The following CARD8 variants were observed in gnomAD, a reference collection of about 807,000 sequenced individuals.
CARD8 encodes the protein caspase recruitment domain family member 8.
Under a neutral mutation model 53.2 loss-of-function variants are expected in CARD8, and 38 were observed. That is an observed-to-expected ratio of 0.71 (90% CI 0.55 to 0.94). The LOEUF is 0.94. Ranked by LOEUF, CARD8 falls within the 40% of genes least tolerant of loss-of-function variation. The probability of loss-of-function intolerance (pLI) is 0.00; values close to 1 mark genes in which losing one functional copy is unlikely to be tolerated. For missense variants in CARD8, 561 were observed against 655.5 expected (o/e 0.86, Z 1.57); for synonymous variants, 245 against 244.9 (o/e 1.00, Z 0.00).
At chr19:48,229,747 A>G (rs1240738341) in intron 10 of CARD8, among the ~76,000 whole-genome samples, 1 of 152,240 alleles carries the variant, frequency 6.6e-6, no homozygotes, top group Non-Finnish European at 1.5e-5. Flanking sequence ...GGGAGATGCT[A>G]CTGAACAGGA....
At chr19:48,223,072 G>A (rs1443413665) in intron 10 of CARD8, among the ~76,000 whole-genome samples, 1 of 152,188 alleles carries the variant, frequency 6.6e-6, no homozygotes, top group Admixed American at 6.5e-5. Flanking sequence ...GGGAGGCCGA[G>A]GCAGGCAGAT....
rs560855603 is a variant in CARD8 at position 48,224,795 on chromosome 19, G to A, written c.1036-2940C>T. Among the ~76,000 whole-genome samples, 287 of 141,466 alleles carry A rather than the reference G, an allele frequency of 2.0e-3. 1 individual carries two copies. The highest frequency in any genetic ancestry group is 7.2e-3 in the African/African-American group (270 of 37,600). 92.8% of individuals were successfully genotyped at this position (141,466 alleles called of 152,430 possible). On this transcript the variant is annotated intron_variant, in intron 10 of 13. Transcript: ENST00000651546. ...TTTTGAGATGGAGTCTCGCTCTGTC[G>A]CCCAGGCTGGAGTGCAGTGGTGCGA...
chr19:48,239,272 C>T (rs2044507677), intron 4 of CARD8, among the ~76,000 whole-genome samples: 1 of 152,162 alleles, frequency 6.6e-6, no homozygotes, highest in Non-Finnish European at 1.5e-5. Flanking sequence ...AAAGTTGTTG[C>T]TTAACCTCTC....
intron 12 of CARD8, 130 bp from the exon 13 acceptor site, chr19:48,215,514 C>T (rs929137842): frequency 4.8e-6 from 3 of 622,168 alleles, no homozygotes; most frequent in African/African-American, 1.8e-5. Context: ...TTGTTTTGCA[C>T]ACTAATACAC....
chr19:48,235,441 C>T (rs771585809), intron 5 of CARD8, among the ~76,000 whole-genome samples: 7 of 152,150 alleles, frequency 4.6e-5, no homozygotes, highest in Non-Finnish European at 7.4e-5. Context: ...GTAAGACATG[C>T]CTTTGCTCCT....
rs2040652614 is a variant in CARD8 at position 48,221,645 on chromosome 19, G to A, written c.1161+85C>T. On this transcript the variant is annotated intron_variant, in intron 11 of 13. Coordinates refer to ENST00000651546, the MANE Select transcript of CARD8 (RefSeq NM_001184900.3). ...TATTTGTGATTAATAAAAGAAAAAT[G>A]TTGCATTTTGCTAAGATTCTTCCAT... The A allele has an allele frequency of 1.6e-5, 15 of 963,702 alleles. No individual in the cohort carries two copies. In the East Asian group the frequency reaches 3.7e-4, roughly 23 times the overall value. 59.7% of individuals were successfully genotyped at this position (963,702 alleles called of 1,614,324 possible).
chr19:48,217,440 T>C (rs1301722234), intron 12 of CARD8, among the ~76,000 whole-genome samples: 1 of 152,238 alleles, frequency 6.6e-6, no homozygotes, highest in Non-Finnish European at 1.5e-5. Context: ...TTCATTTTTT[T>C]CCCACCACAG....
intron 12 of CARD8, among the ~76,000 whole-genome samples, chr19:48,218,353 C>CTTTTTTT (rs770280304): frequency 9.2e-6 from 1 of 108,996 alleles, no homozygotes; most frequent in Non-Finnish European, 1.8e-5. Flanking sequence ...TTATCTTCTT[C>CTTTTTTT]TTTTTTTTTT....
downstream of CARD8, among the ~76,000 whole-genome samples, chr19:48,206,938 C>T (rs1259513793): frequency 6.6e-6 from 1 of 152,014 alleles, no homozygotes. Context: ...AAAGTTCGAC[C>T]TTATCTCTTA....
intron 10 of CARD8, among the ~76,000 whole-genome samples, chr19:48,229,985 C>T (rs1331499009): frequency 2.0e-5 from 3 of 152,092 alleles, no homozygotes; most frequent in African/African-American, 7.2e-5. Context: ...TAGTGGCGGG[C>T]ACCTGCAATC....
downstream of CARD8, among the ~76,000 whole-genome samples, chr19:48,206,187 C>G (rs978497888): frequency 2.6e-5 from 4 of 152,132 alleles, no homozygotes; most frequent in African/African-American, 7.2e-5. Context: ...CGTGAGCCAT[C>G]GCCCCCAGCC....
Position 48,230,760 on chromosome 19 carries a change from C to A in CARD8, c.772+17G>T. The A allele has an allele frequency of 6.2e-7, 1 of 1,613,296 alleles. No homozygotes were observed. The highest frequency in any genetic ancestry group is 8.5e-7 in the Non-Finnish European group (1 of 1,179,274). On this transcript the variant is annotated intron_variant, in intron 9 of 13. Coordinates refer to ENST00000651546, the MANE Select transcript of CARD8 (RefSeq NM_001184900.3). ...GCACCCCAGCGGCCCCCACAGCCTC[C>A]GCTCACCCCACATTACCTTGGAGGG...
At chr19:48,224,938 A>G in intron 10 of CARD8, among the ~76,000 whole-genome samples, 1 of 151,786 alleles carries the variant, frequency 6.6e-6, no homozygotes, top group Non-Finnish European at 1.5e-5. Flanking sequence ...TATTGTTAGT[A>G]GAGACGGGGT....
chr19:48,233,850 C>T (rs1420368064), intron 6 of CARD8: 2 of 159,312 alleles, frequency 1.3e-5, no homozygotes, highest in African/African-American at 2.5e-5. Flanking sequence ...CATTTTTCTA[C>T]ACTTTTCAGC....
At chr19:48,237,626 G>C (rs1423192918) in intron 5 of CARD8, among the ~76,000 whole-genome samples, 1 of 151,554 alleles carries the variant, frequency 6.6e-6, no homozygotes, top group Non-Finnish European at 1.5e-5. Flanking sequence ...GTGAAACCCC[G>C]TATCTACTAA....
At chr19:48,243,728 G>A (rs2045624767) in intron 3 of CARD8, among the ~76,000 whole-genome samples, 2 of 152,154 alleles carry the variant, frequency 1.3e-5, no homozygotes, top group Admixed American at 6.6e-5. Context: ...GTTTGTGCCT[G>A]TAGTCCCAGC....
chr19:48,220,994 G>GAAGGAAGGAAGGAAGC (rs2040471081), intron 11 of CARD8, among the ~76,000 whole-genome samples: 1 of 95,818 alleles, frequency 1.0e-5, no homozygotes. Flanking sequence ...AGGAAGGAAG[G>GAAGGAAGGAAGGAAGC]AAAGAAAGAA....
chr19:48,229,424 G>A (rs145249467), intron 10 of CARD8, among the ~76,000 whole-genome samples: 1 of 152,270 alleles, frequency 6.6e-6, no homozygotes, highest in African/African-American at 2.4e-5. Context: ...ATGTATTTCT[G>A]GCCCACTCTA....
Position 48,230,536 on chromosome 19 carries a change from T to A in CARD8, c.937A>T (p.Ile313Phe), listed in dbSNP as rs1362519465. 1 of 1,614,086 alleles carries A rather than the reference T, an allele frequency of 6.2e-7. No homozygotes were observed. The highest frequency in any genetic ancestry group is 2.2e-5 in the East Asian group (1 of 44,872). The change falls in exon 10 of 14, where the codon ATC becomes TTC. Residue 313 changes from isoleucine to phenylalanine, a missense_variant. Ile to Phe is a conservative substitution (Grantham distance 21). Coordinates refer to ENST00000651546, the MANE Select transcript of CARD8 (RefSeq NM_001184900.3). ...ATCAATGTGTTGGAAGTGATGGGGATGGAGAGGCGAGTCCCACTGGCGATC... is the reference window on the plus strand; with the variant it reads ...ATCAATGTGTTGGAAGTGATGGGGAAGGAGAGGCGAGTCCCACTGGCGATC... ...LRIASGTRLS[I>F]PITSNTLIYY...
Sources: allele counts gnomAD v4.1 joint callset (sites outside exome capture counted in the v4.1 genomes callset), GRCh38; gene constraint gnomAD v4.1.1; transcripts MANE v1.5; gene names NCBI Gene and HGNC (gene_info 2026-07-23, HGNC 2026-07-21).